The following EXOC1 variants were observed in gnomAD, a reference collection of about 807,000 sequenced individuals.
EXOC1 encodes SEC3-like 1.
In EXOC1, 67 loss-of-function variants were observed where a neutral mutation model predicts 107.7. The ratio of observed to expected loss-of-function variants is 0.62; its 90% CI spans 0.51 to 0.76. The LOEUF (loss-of-function observed/expected upper bound fraction) is 0.76. Ranked by LOEUF, EXOC1 falls within the 30% of genes least tolerant of loss-of-function variation. The probability of loss-of-function intolerance (pLI) is 0.00; values close to 1 mark genes in which losing one functional copy is unlikely to be tolerated. For missense variants in EXOC1, 833 were observed against 1,055.7 expected (o/e 0.79, Z 2.92); for synonymous variants, 348 against 353.5 (o/e 0.98, Z 0.17).
intron 13 of EXOC1, among the ~76,000 whole-genome samples, chr4:55,892,023 A>G (rs1466624570): frequency 1.3e-5 from 2 of 152,240 alleles, no homozygotes; most frequent in African/African-American, 4.8e-5. Context: ...TGAAGAACTT[A>G]AAAACAGTGC....
intron 9 of EXOC1, among the ~76,000 whole-genome samples, chr4:55,878,509 T>C (rs1159377279): frequency 2.6e-5 from 4 of 152,170 alleles, no homozygotes; most frequent in Admixed American, 6.5e-5. Context: ...CTAATGCGCT[T>C]TAGATCTGAC....
At position 55,891,403 on chromosome 4, in the gene EXOC1, A is replaced by G. The variant is rs1265178429; in HGVS notation, c.1628A>G (p.Gln543Arg). The G allele has an allele frequency of 6.2e-7, 1 of 1,610,746 alleles. No homozygotes were observed. Among genetic ancestry groups the G allele is most frequent in the Non-Finnish European group, 8.5e-7 (1 of 1,177,158 alleles). Residue 543 changes from glutamine to arginine, a missense_variant, in exon 13 of 19, where the codon CAA (glutamine) becomes CGA (arginine). By Grantham distance (43) the Gln-to-Arg change is conservative. Around this residue, in one of 2 missense-constraint regions of EXOC1, gnomAD observed 617 missense variants for 701.3 expected, o/e 0.88. Transcript: ENST00000381295. Reference sequence around the variant, plus strand: ...AAATTTTTCAAACTACAGCAACATCAAAGTATGCCTGGAACTATGGTATGG... The same window carrying G: ...AAATTTTTCAAACTACAGCAACATCGAAGTATGCCTGGAACTATGGTATGG... ...ISKFFKLQQH[Q>R]SMPGTMAEAE... is the part of the protein sequence containing the mutation.
chr4:55,875,916 T>A (rs1434987939), intron 8 of EXOC1: 1 of 920,812 alleles, frequency 1.1e-6, no homozygotes, highest in East Asian at 1.2e-4. Context: ...AAAAATAAAT[T>A]TTTAAAAAAT....
In EXOC1 at chr4:55,860,392, T is replaced by C. The variant is rs761564803; in HGVS notation, c.125-19T>C. ...AAAGGGGTAATATTTCTAATAAAAGTGTGCGTTTTACTCAACAGTGACAAC... is the reference window on the plus strand; with the variant it reads ...AAAGGGGTAATATTTCTAATAAAAGCGTGCGTTTTACTCAACAGTGACAAC... On this transcript the variant is annotated intron_variant, in intron 2 of 18. Transcript: ENST00000381295. 7 of 1,612,592 alleles carry C rather than the reference T, an allele frequency of 4.3e-6. No homozygotes were observed. The African/African-American group carries it at 9.3e-5, about 22-fold the overall frequency.
intron 13 of EXOC1, 83 bp downstream of exon 13, chr4:55,891,505 T>C: frequency 5.3e-6 from 5 of 936,860 alleles, no homozygotes; most frequent in South Asian, 1.6e-5. Context: ...AATTTTATGA[T>C]CAGAAGAGAA....
Position 55,864,284 on chromosome 4 carries a change from A to G in EXOC1, c.313A>G (p.Thr105Ala). Reference sequence around the variant, plus strand: ...AATATATAAATGGGTTGCCAGCAGCACTGCTGAAAAGAATGCATTTATTTC... The same window carrying G: ...AATATATAAATGGGTTGCCAGCAGCGCTGCTGAAAAGAATGCATTTATTTC... ...EKIYKWVASS[T>A]AEKNAFISCI... Residue 105 changes from threonine to alanine, a missense_variant, in exon 4 of 19, where the codon ACT becomes GCT. Physicochemically the swap from Thr to Ala is moderately conservative, Grantham distance 58. Around this residue, in one of 2 missense-constraint regions of EXOC1, gnomAD observed 617 missense variants for 701.3 expected, o/e 0.88. Coordinates refer to ENST00000381295, the MANE Select transcript of EXOC1 (RefSeq NM_001024924.2). The G allele has an allele frequency of 6.2e-7, 1 of 1,607,834 alleles. No individual in the cohort carries two copies.
At chr4:55,860,866 C>T (rs1437617488) in intron 3 of EXOC1, among the ~76,000 whole-genome samples, 1 of 150,178 alleles carries the variant, frequency 6.7e-6, no homozygotes, top group African/African-American at 2.5e-5. Flanking sequence ...CCAAAGTGAT[C>T]CTTCCTTAGT....
rs762407218 is a variant in EXOC1 at position 55,891,412 on chromosome 4, C to T, written c.1637C>T (p.Pro546Leu). 7 of 1,605,380 alleles carry T rather than the reference C, an allele frequency of 4.4e-6. No individual in the cohort carries two copies. Among genetic ancestry groups the T allele is most frequent in the Admixed American group, 1.7e-5 (1 of 59,968 alleles). ...FFKLQQHQSM[P>L]GTMAEAEDLD... ...AAACTACAGCAACATCAAAGTATGCCTGGAACTATGGTATGGCTCACAGTG... is the reference window on the plus strand; with the variant it reads ...AAACTACAGCAACATCAAAGTATGCTTGGAACTATGGTATGGCTCACAGTG... The change falls in exon 13 of 19, where the codon CCT becomes CTT. Residue 546 changes from proline (P) to leucine (L), a missense_variant. Physicochemically the swap from Pro to Leu is moderately conservative, Grantham distance 98. Transcript: ENST00000381295.
Position 55,902,414 on chromosome 4 carries a change from C to G in EXOC1, c.2408C>G (p.Ala803Gly). 1 of 1,584,938 alleles carries G rather than the reference C, an allele frequency of 6.3e-7. No individual in the cohort carries two copies. Among genetic ancestry groups the G allele is most frequent in the Non-Finnish European group, 8.6e-7 (1 of 1,167,476 alleles). Residue 803 changes from alanine (A) to glycine (G), a missense_variant, in exon 18 of 19, where the codon GCA (alanine) becomes GGA (glycine). By Grantham distance (60) the Ala-to-Gly change is moderately conservative (BLOSUM62 0). Around this residue, in one of 2 missense-constraint regions of EXOC1, gnomAD observed 216 missense variants for 354.4 expected, o/e 0.61. Transcript: ENST00000381295. ...GAGGAGGAAGTAAGTTACCAACTTGCATTTAACAAACAAGAACTTCGTAAA... is the reference window on the plus strand; with the variant it reads ...GAGGAGGAAGTAAGTTACCAACTTGGATTTAACAAACAAGAACTTCGTAAA... ...IREEEVSYQL[A>G]FNKQELRKVI...
At chr4:55,876,990 C>T (rs1489304898) in intron 8 of EXOC1, 1 of 985,164 alleles carries the variant, frequency 1.0e-6, no homozygotes, top group African/African-American at 1.7e-5. Flanking sequence ...TCCTCATTTC[C>T]TCTAGGCCAG....
In EXOC1 at chr4:55,887,810, C is replaced by A. The variant is rs534764583; in HGVS notation, c.1331-1078C>A. Among the ~76,000 whole-genome samples, 42 of 152,092 alleles carry A rather than the reference C, an allele frequency of 2.8e-4. No individual in the cohort carries two copies. The South Asian group carries it at 7.3e-3, about 26-fold the overall frequency. The stretch of plus-strand genomic sequence containing the variant: ...CATAGCATAGTGACACCTTAAGGCA[C>A]CAGAAAGTACTGTTCAGATTGGCTA... On this transcript the variant is annotated intron_variant, in intron 10 of 18. Transcript: ENST00000381295.
chr4:55,881,860 C>G (rs1366645338), intron 9 of EXOC1, among the ~76,000 whole-genome samples: 1 of 151,960 alleles, frequency 6.6e-6, no homozygotes, highest in African/African-American at 2.4e-5. Context: ...GATTTATTTT[C>G]CTTTCACATT....
Position 55,893,592 on chromosome 4 carries a change from T to A in EXOC1, c.1765T>A (p.Cys589Ser). The A allele has an allele frequency of 6.2e-7, 1 of 1,613,940 alleles. No individual in the cohort carries two copies. Among genetic ancestry groups the A allele is most frequent in the Non-Finnish European group, 8.5e-7 (1 of 1,179,996 alleles). The change falls in exon 15 of 19, where the codon TGC becomes AGC. Residue 589 changes from cysteine (C) to serine (S), a missense_variant. This residue lies in a region of EXOC1 where 617 missense variants were observed against 701.3 expected (regional missense o/e 0.88). Coordinates refer to ENST00000381295, the MANE Select transcript of EXOC1 (RefSeq NM_001024924.2). ...IRQMMIKIFR[C>S]IEPELNNLIA... ...CCAAATGATGATTAAAATATTTCGCTGCATTGAGCCAGAGCTGAACAACCT... is the reference window on the plus strand; with the variant it reads ...CCAAATGATGATTAAAATATTTCGCAGCATTGAGCCAGAGCTGAACAACCT...
At chr4:55,895,355 AAAT>A (rs1725079095) in intron 15 of EXOC1, among the ~76,000 whole-genome samples, 1 of 152,182 alleles carries the variant, frequency 6.6e-6, no homozygotes, top group Non-Finnish European at 1.5e-5. Flanking sequence ...CACAGTTAAA[AAAT>A]ATGGATCTTG....
chr4:55,864,171 T>A (rs968208938), intron 3 of EXOC1, 56 bp from the exon 4 acceptor site: 42 of 1,190,334 alleles, frequency 3.5e-5, no homozygotes, highest in Non-Finnish European at 4.8e-5. Flanking sequence ...GATTTTACAT[T>A]AACAATGTAA....
intron 17 of EXOC1, 26 bp from the exon 18 acceptor site, chr4:55,902,318 C>CAA: frequency 1.4e-6 from 2 of 1,399,906 alleles, no homozygotes; most frequent in Non-Finnish European, 1.9e-6. Flanking sequence ...AGGTCTTAGC[C>CAA]ATTGTTTCTT....
intron 1 of EXOC1, among the ~76,000 whole-genome samples, chr4:55,854,732 A>G (rs1720801580): frequency 6.6e-6 from 1 of 152,106 alleles, no homozygotes; most frequent in Non-Finnish European, 1.5e-5. Context: ...CTTACTGTAC[A>G]CTCAGTTGCT....
intron 9 of EXOC1, 67 bp downstream of exon 9, chr4:55,878,133 G>A (rs1293286446): frequency 1.3e-6 from 2 of 1,539,594 alleles, no homozygotes; most frequent in African/African-American, 2.8e-5. Context: ...GAGGTCATGT[G>A]TTCAGTTCCC....
chr4:55,871,297 T>C (rs770930649), intron 7 of EXOC1, 64 bp downstream of exon 7: 163 of 1,549,418 alleles, frequency 1.1e-4, no homozygotes, highest in Non-Finnish European at 1.3e-4. Context: ...TAACTTGTTA[T>C]AAAGGTTTTG....
Sources: allele counts gnomAD v4.1 joint callset (sites outside exome capture counted in the v4.1 genomes callset), GRCh38; gene constraint gnomAD v4.1.1; regional missense constraint gnomAD v4.1.1; transcripts MANE v1.5; gene names NCBI Gene and HGNC (gene_info 2026-07-23, HGNC 2026-07-21).